LATS1: variants seen among roughly 807,000 people sequenced by gnomAD.
LATS1 encodes serine/threonine-protein kinase LATS1.
Under a neutral mutation model 106.6 loss-of-function variants are expected in LATS1, and 25 were observed. The observed-to-expected ratio is 0.23, with a 90% CI of 0.17 to 0.33. LATS1 has a LOEUF of 0.33. Ranked by LOEUF, LATS1 falls within the 10% of genes least tolerant of loss-of-function variation. The pLI, the probability that LATS1 is intolerant of heterozygous loss-of-function variation, is 1.00. For missense variants in LATS1, 1,040 were observed against 1,382.6 expected (o/e 0.75, Z 3.93); for synonymous variants, 465 against 455.6 (o/e 1.02, Z -0.26).
chr6:149,684,305 T>G lies in LATS1; in HGVS notation c.784A>C (p.Thr262Pro). 6.2e-7 allele frequency: 1 copy of G among 1,613,358 alleles called. No individual in the cohort carries two copies. The highest frequency in any genetic ancestry group is 8.5e-7 in the Non-Finnish European group (1 of 1,179,810). ...GGTTCCCATGAAGGGGGAGGTGGAG[T>G]TGTACCTCTTGGAGGGGGAGTCTGG... is the stretch of plus-strand genomic sequence containing the variant. Reference protein sequence around the residue: ...RGQTPPPRGTTPPPPSWEPNS... With the variant: ...RGQTPPPRGTPPPPPSWEPNS... The change falls in exon 4 of 8, where the codon ACT becomes CCT. Residue 262 changes from threonine (T) to proline (P), a missense_variant. By Grantham distance (38) the Thr-to-Pro change is conservative (BLOSUM62 -1). Transcript: ENST00000543571.
intron 7 of LATS1, among the ~76,000 whole-genome samples, chr6:149,672,054 A>G (rs1440194618): frequency 6.6e-6 from 1 of 150,988 alleles, no homozygotes; most frequent in Non-Finnish European, 1.5e-5. Flanking sequence ...ACACCCAGCT[A>G]ATTTTTTTTT....
intron 4 of LATS1, among the ~76,000 whole-genome samples, chr6:149,681,796 A>C (rs1422064988): frequency 6.6e-6 from 1 of 152,172 alleles, no homozygotes; most frequent in Non-Finnish European, 1.5e-5. Flanking sequence ...TTAGGAGTCA[A>C]ATCTTTGAAC....
chr6:149,676,226 T>C, intron 7 of LATS1, 34 bp downstream of exon 7: 1 of 1,372,976 alleles, frequency 7.3e-7, no homozygotes, highest in East Asian at 2.3e-5. Flanking sequence ...AGCAACTTTG[T>C]GAGAATTCTT....
rs3798761 is a variant in LATS1 at position 149,683,643 on chromosome 6, A to T, written c.1446T>A (p.Ser482=). 1.2e-6 allele frequency: 2 copies of T among 1,613,932 alleles called. No homozygotes were observed. The highest frequency in any genetic ancestry group is 1.7e-6 in the Non-Finnish European group (2 of 1,179,996). Residue 482 remains serine (S), a synonymous_variant, in exon 4 of 8, where the codon TCT becomes TCA. Coordinates refer to ENST00000543571, the MANE Select transcript of LATS1 (RefSeq NM_004690.4). ...RASHSANSQP[S]ATTVTAITPA... ...GTGTAATTGCAGTGACTGTTGTAGC[A>T]GAAGGCTGAGAATTAGCAGAGTGAC...
Position 149,701,968 on chromosome 6 carries a change from G to A in LATS1, c.159C>T (p.Asn53=), listed in dbSNP as rs753149201. 6.2e-7 allele frequency: 1 copy of A among 1,614,178 alleles called. No individual in the cohort carries two copies. Among genetic ancestry groups the A allele is most frequent in the Non-Finnish European group, 8.5e-7 (1 of 1,180,026 alleles). Residue 53 remains asparagine (N), a synonymous_variant, in exon 2 of 8, where the codon AAC becomes AAT. Transcript: ENST00000543571. ...KPSDAAKAEH[N]MSKMSTEDPR... is the part of the protein sequence containing the mutation. The stretch of plus-strand genomic sequence containing the variant: ...GATCTTCGGTTGACATTTTACTCAT[G>A]TTATGCTCAGCCTTAGCAGCATCAG...
At chr6:149,693,818 G>A (rs1467003714) in intron 3 of LATS1, among the ~76,000 whole-genome samples, 4 of 152,230 alleles carry the variant, frequency 2.6e-5, no homozygotes, top group East Asian at 1.9e-4. Flanking sequence ...AGCTGGGCGC[G>A]GTGGCTCACG....
intron 1 of LATS1, among the ~76,000 whole-genome samples, chr6:149,705,598 G>GAA (rs200249597): frequency 4.9e-5 from 7 of 142,590 alleles, no homozygotes; most frequent in Non-Finnish European, 1.1e-4. Context: ...GAGAGAGAGA[G>GAA]AAAAAAAAAA....
intron 7 of LATS1, among the ~76,000 whole-genome samples, chr6:149,669,447 A>G (rs4869812): frequency 0.46 from 69,788 of 151,778 alleles, 17,520 homozygotes; most frequent in East Asian, 0.81. Context: ...GAGGTTTTAA[A>G]CGTATGTAGA....
chr6:149,709,224 C>T (rs1783956375), intron 1 of LATS1, among the ~76,000 whole-genome samples: 1 of 152,172 alleles, frequency 6.6e-6, no homozygotes, highest in Admixed American at 6.5e-5. Flanking sequence ...TGTTGGAATT[C>T]AGGCACAGCT....
intron 1 of LATS1, among the ~76,000 whole-genome samples, chr6:149,707,668 A>G (rs1783867647): frequency 6.6e-6 from 1 of 152,220 alleles, no homozygotes; most frequent in South Asian, 2.1e-4. Context: ...GGTTTAAATA[A>G]CTGAAAACTT....
At chr6:149,697,904 T>G (rs889732261) in intron 2 of LATS1, among the ~76,000 whole-genome samples, 2 of 152,154 alleles carry the variant, frequency 1.3e-5, no homozygotes, top group Non-Finnish European at 2.9e-5. Flanking sequence ...GCCTGGCTAA[T>G]TTATATTTTT....
rs1489641220 is a variant in LATS1 at position 149,683,246 on chromosome 6, T to G, written c.1843A>C (p.Ile615Leu). The G allele has an allele frequency of 3.7e-6, 6 of 1,613,924 alleles. No individual in the cohort carries two copies. The East Asian group carries it at 1.3e-4, about 36-fold the overall frequency. Residue 615 changes from isoleucine to leucine, a missense_variant, in exon 4 of 8, where the codon ATT becomes CTT. By Grantham distance (5) the Ile-to-Leu change is conservative (BLOSUM62 2). Transcript: ENST00000543571. ...KEKKQITTSP[I>L]TVRKNKKDEE... The stretch of plus-strand genomic sequence containing the variant: ...TCTTTCTTGTTTTTCCTAACAGTAA[T>G]AGGTGAAGTTGTAATCTGTTTCTTT...
At chr6:149,708,234 G>C (rs951762325) in intron 1 of LATS1, among the ~76,000 whole-genome samples, 4 of 151,922 alleles carry the variant, frequency 2.6e-5, no homozygotes, top group Admixed American at 1.3e-4. Flanking sequence ...GGTCAATATG[G>C]TGAAACCCCG....
chr6:149,710,552 A>G (rs150214391), intron 1 of LATS1, among the ~76,000 whole-genome samples: 236 of 152,318 alleles, frequency 1.5e-3, no homozygotes, highest in African/African-American at 5.4e-3. Flanking sequence ...GAAAACTGGT[A>G]CCTGGAAGTG....
chr6:149,696,419 TTGTC>T (rs1463426154), intron 2 of LATS1, among the ~76,000 whole-genome samples: 3 of 150,138 alleles, frequency 2.0e-5, no homozygotes, highest in Non-Finnish European at 4.4e-5. Flanking sequence ...AAATATAAAA[TTGTC>T]TGGGTGTAGT....
At position 149,679,549 on chromosome 6, in the gene LATS1, C is replaced by CAA. The variant is rs57395928; in HGVS notation, c.2593+324_2593+325dup. Among the ~76,000 whole-genome samples the CAA allele has an allele frequency of 1.7e-3, 110 of 66,180 alleles. 1 individual carries two copies. Among genetic ancestry groups the CAA allele is most frequent in the African/African-American group, 4.0e-3 (91 of 22,534 alleles). The allele number at this position is 66,180 out of a possible 152,430, so 43.4% of individuals were successfully genotyped here. Reference sequence around the variant, plus strand: ...CCTGGGCGACAGAGCGAGACTCCATCAAAAAAAAAAAAAAAAAAAAATTGT... The same window carrying CAA: ...CCTGGGCGACAGAGCGAGACTCCATCAAAAAAAAAAAAAAAAAAAAAAATTGT... On this transcript the variant is annotated intron_variant, in intron 5 of 7. Coordinates refer to ENST00000543571, the MANE Select transcript of LATS1 (RefSeq NM_004690.4).
intron 7 of LATS1, among the ~76,000 whole-genome samples, chr6:149,663,847 G>A (rs940706022): frequency 9.4e-5 from 14 of 149,302 alleles, no homozygotes; most frequent in African/African-American, 2.7e-4. Flanking sequence ...TTGCTCTGTC[G>A]CCCAGGATGG....
At chr6:149,664,963 G>A (rs1355249043) in intron 7 of LATS1, among the ~76,000 whole-genome samples, 1 of 152,118 alleles carries the variant, frequency 6.6e-6, no homozygotes, top group Non-Finnish European at 1.5e-5. Context: ...TCAGGCTCAG[G>A]GAGTAGAAAA....
At chr6:149,692,085 A>T (rs1782791590) in intron 3 of LATS1, among the ~76,000 whole-genome samples, 1 of 152,098 alleles carries the variant, frequency 6.6e-6, no homozygotes, top group Non-Finnish European at 1.5e-5. Flanking sequence ...ACACCTCTCT[A>T]ACCCATTCTC....
Sources: gnomAD v4.1 joint callset for allele counts (sites outside exome capture counted in the v4.1 genomes callset) on GRCh38, gnomAD v4.1.1 for gene constraint, MANE v1.5 for transcripts, NCBI Gene and HGNC (gene_info 2026-07-23, HGNC 2026-07-21) for gene names.